Variants in GALNTL6 observed in about 807,000 individuals in gnomAD.
GALNTL6 encodes polypeptide N-acetylgalactosaminyltransferase like 6.
In GALNTL6, 46 loss-of-function variants were observed where a neutral mutation model predicts 73.7. The observed-to-expected ratio is 0.62, with a 90% CI of 0.49 to 0.80. The LOEUF is 0.80. Ranked by LOEUF, GALNTL6 falls within the 30% of genes least tolerant of loss-of-function variation. The probability of loss-of-function intolerance (pLI) is 0.00; values close to 1 mark genes in which losing one functional copy is unlikely to be tolerated. For missense variants in GALNTL6, 604 were observed against 755.0 expected, an observed-to-expected ratio of 0.80 and a Z score of 2.34; for synonymous variants, 259 against 263.7, an observed-to-expected ratio of 0.98 and a Z score of 0.17.
At chr4:172,692,617 A>AT (rs1046150714) in intron 5 of GALNTL6, among the ~76,000 whole-genome samples, 2 of 152,042 alleles carry the variant, frequency 1.3e-5, no homozygotes, top group African/African-American at 4.8e-5. Flanking sequence ...AGCAGCAAGC[A>AT]TTTTTTTCTT....
chr4:172,398,600 A>G (rs996556916), intron 5 of GALNTL6, among the ~76,000 whole-genome samples: 1 of 152,184 alleles, frequency 6.6e-6, no homozygotes, highest in Admixed American at 6.6e-5. Flanking sequence ...GTTAAAGAGT[A>G]TGTATTCTTT....
intron 3 of GALNTL6, among the ~76,000 whole-genome samples, chr4:172,247,802 A>G (rs1226148947): frequency 6.6e-6 from 1 of 152,220 alleles, no homozygotes; most frequent in Non-Finnish European, 1.5e-5. Flanking sequence ...GGTTAAAATA[A>G]GTAGTCATGC....
intron 5 of GALNTL6, among the ~76,000 whole-genome samples, chr4:172,421,027 G>T (rs1731039321): frequency 6.6e-6 from 1 of 152,010 alleles, no homozygotes. Context: ...AGGGGAGAGA[G>T]AGCATTAGGA....
rs79249266 is a variant in GALNTL6, at chr4:172,731,985, A to G, written c.554-77376A>G. 6.1e-3 allele frequency among the ~76,000 whole-genome samples: 923 copies of G among 151,978 alleles called. 9 individuals are homozygous for G. Among genetic ancestry groups the G allele is most frequent in the African/African-American group, 0.017 (721 of 41,468 alleles). ...TATGGTCTATCCTGGAAAATGTTCT[A>G]TATTCAGTGAAAAAAATGCATGTTC... On this transcript the variant is annotated intron_variant, in intron 5 of 12. Coordinates refer to ENST00000506823, the MANE Select transcript of GALNTL6 (RefSeq NM_001034845.3).
chr4:172,622,843 G>C (rs886554259), intron 5 of GALNTL6, among the ~76,000 whole-genome samples: 2 of 152,114 alleles, frequency 1.3e-5, no homozygotes, highest in Non-Finnish European at 2.9e-5. Flanking sequence ...ATTTGATGAT[G>C]AGGAGATGTG....
intron 3 of GALNTL6, among the ~76,000 whole-genome samples, chr4:172,264,965 G>A (rs1261975088): frequency 6.6e-6 from 1 of 151,478 alleles, no homozygotes; most frequent in Non-Finnish European, 1.5e-5. Context: ...CTAAAATTTA[G>A]TTGCAGTGTC....
At chr4:171,908,783 G>T (rs952323800) in intron 2 of GALNTL6, among the ~76,000 whole-genome samples, 1 of 151,006 alleles carries the variant, frequency 6.6e-6, no homozygotes, top group Non-Finnish European at 1.5e-5. Flanking sequence ...GGAAAATGTG[G>T]CACATATACA....
intron 5 of GALNTL6, among the ~76,000 whole-genome samples, chr4:172,609,731 C>T (rs1429938434): frequency 2.0e-5 from 3 of 150,166 alleles, no homozygotes; most frequent in African/African-American, 7.3e-5. Flanking sequence ...GGTGTTCCTC[C>T]TCTTCAAATT....
chr4:171,940,227 G>T (rs1040310736), intron 2 of GALNTL6, among the ~76,000 whole-genome samples: 1 of 151,950 alleles, frequency 6.6e-6, no homozygotes, highest in Non-Finnish European at 1.5e-5. Flanking sequence ...TGTGTCCTCA[G>T]AAAATACAAA....
rs529354678 is a variant in GALNTL6, at chr4:172,393,067, C to T, written c.553+44378C>T. Among the ~76,000 whole-genome samples, 73 of 152,272 alleles carry T rather than the reference C, an allele frequency of 4.8e-4. 1 individual carries two copies. Among genetic ancestry groups the T allele is most frequent in the Admixed American group, 3.3e-4 (5 of 15,290 alleles). The stretch of plus-strand genomic sequence containing the variant: ...TTGAGCCGTCCTTATGAGAATCTAA[C>T]TAATGCCTGATGATCTGAGGTGGAA... On this transcript the variant is annotated intron_variant, in intron 5 of 12. Transcript: ENST00000506823.
At position 172,348,612 on chromosome 4, in the gene GALNTL6, C is replaced by T; in HGVS notation, c.476C>T (p.Thr159Ile). The T allele has an allele frequency of 6.2e-7, 1 of 1,612,140 alleles. No homozygotes were observed. The highest frequency in any genetic ancestry group is 8.5e-7 in the Non-Finnish European group (1 of 1,178,468). Residue 159 changes from threonine to isoleucine, a missense_variant, in exon 5 of 13, where the codon ACC becomes ATC. Thr to Ile is a moderately conservative substitution (Grantham distance 89, BLOSUM62 -1). Coordinates refer to ENST00000506823, the MANE Select transcript of GALNTL6 (RefSeq NM_001034845.3). Reference sequence around the variant, plus strand: ...GAAGGTTGGACTTCACTCCTGCGGACCATACACAGTATAATTAACCGAACC... The same window carrying T: ...GAAGGTTGGACTTCACTCCTGCGGATCATACACAGTATAATTAACCGAACC... ...HNEGWTSLLR[T>I]IHSIINRTPG...
At chr4:172,392,064 C>T (rs1324770133) in intron 5 of GALNTL6, among the ~76,000 whole-genome samples, 2 of 152,150 alleles carry the variant, frequency 1.3e-5, no homozygotes, top group African/African-American at 4.8e-5. Context: ...TCTCGGCTCA[C>T]TGCAACCTCT....
At chr4:172,269,865 C>T (rs1738580356) in intron 3 of GALNTL6, among the ~76,000 whole-genome samples, 1 of 152,044 alleles carries the variant, frequency 6.6e-6, no homozygotes, top group South Asian at 2.1e-4. Flanking sequence ...GATTCTCCTG[C>T]CTCAGCCTCC....
At chr4:171,923,562 T>TG (rs1203914083) in intron 2 of GALNTL6, among the ~76,000 whole-genome samples, 2 of 26,968 alleles carry the variant, frequency 7.4e-5, no homozygotes, top group Non-Finnish European at 1.6e-4. Flanking sequence ...CACTCCCGGC[T>TG]AATTTTTTTT....
chr4:172,666,184 T>C (rs2111192260), intron 5 of GALNTL6, among the ~76,000 whole-genome samples: 1 of 152,330 alleles, frequency 6.6e-6, no homozygotes, highest in South Asian at 2.1e-4. Flanking sequence ...GCTCTTTATT[T>C]TGATACATTC....
intron 2 of GALNTL6, among the ~76,000 whole-genome samples, chr4:171,903,004 A>G (rs1444736256): frequency 6.6e-6 from 1 of 152,172 alleles, no homozygotes; most frequent in East Asian, 1.9e-4. Flanking sequence ...CAATCATTAC[A>G]GCTATTCATG....
chr4:172,944,819 G>A (rs576968963), intron 9 of GALNTL6, among the ~76,000 whole-genome samples: 17 of 152,138 alleles, frequency 1.1e-4, no homozygotes, highest in Admixed American at 9.8e-4. Context: ...ACTTTGGGAG[G>A]CTGAGACAGG....
intron 2 of GALNTL6, among the ~76,000 whole-genome samples, chr4:171,885,754 A>T (rs1055374043): frequency 6.6e-6 from 1 of 152,192 alleles, no homozygotes; most frequent in African/African-American, 2.4e-5. Context: ...GCAGTAAGGC[A>T]TGATTGCACC....
At chr4:172,194,417 A>C (rs6819111) in intron 2 of GALNTL6, among the ~76,000 whole-genome samples, 3,169 of 152,298 alleles carry the variant, frequency 0.021, 108 homozygotes, top group African/African-American at 0.07. Flanking sequence ...CACCTAGCAT[A>C]ACAGGACAAC....
Sources: gnomAD v4.1 joint callset for allele counts (sites outside exome capture counted in the v4.1 genomes callset) on GRCh38, gnomAD v4.1.1 for gene constraint, MANE v1.5 for transcripts, NCBI Gene and HGNC (gene_info 2026-07-23, HGNC 2026-07-21) for gene names.